The following FNIP2 variants were observed in gnomAD, a reference collection of about 807,000 sequenced individuals.
The protein encoded by FNIP2 is folliculin-interacting protein 2.
In FNIP2, 32 loss-of-function variants were observed where a neutral mutation model predicts 108.7. The ratio of observed to expected loss-of-function variants is 0.29; its 90% confidence interval spans 0.22 to 0.40. The LOEUF (loss-of-function observed/expected upper bound fraction) is 0.40, where lower values mean the gene tolerates loss of function less well. Ranked by LOEUF, FNIP2 falls within the 10% of genes least tolerant of loss-of-function variation. FNIP2 has a pLI of 1.00. For synonymous variants in FNIP2, 480 were observed against 496.7 expected, an observed-to-expected ratio of 0.97 and a Z score of 0.45; for missense variants, 1,202 against 1,381.6, an observed-to-expected ratio of 0.87 and a Z score of 2.06.
chr4:158,850,262 G>A (rs543194730), intron 7 of FNIP2, among the ~76,000 whole-genome samples: 1 of 152,172 alleles, frequency 6.6e-6, no homozygotes, highest in Admixed American at 6.5e-5. Context: ...ATGTTGACTG[G>A]CCATCTGTAG....
chr4:158,834,337 TAAGTAGTGTAAATA>T (rs1778674226), intron 6 of FNIP2: 1 of 150,278 alleles, frequency 6.7e-6, no homozygotes. Context: ...TCTCCCTCTC[TAAGTAGTGTAAATA>T]CAATTTCTAG....
chr4:158,839,661 C>T, intron 7 of FNIP2, among the ~76,000 whole-genome samples: 1 of 152,220 alleles, frequency 6.6e-6, no homozygotes, highest in Non-Finnish European at 1.5e-5. Flanking sequence ...AGCCACAGCA[C>T]CCCACAACTT....
At chr4:158,852,094 C>T (rs1454001594) in intron 8 of FNIP2, among the ~76,000 whole-genome samples, 9 of 152,158 alleles carry the variant, frequency 5.9e-5, no homozygotes, top group Non-Finnish European at 1.0e-4. Flanking sequence ...TTGACTAGTA[C>T]TCAACATACG....
At chr4:158,864,322 C>T (rs574208811) in intron 12 of FNIP2, among the ~76,000 whole-genome samples, 1 of 152,142 alleles carries the variant, frequency 6.6e-6, no homozygotes, top group Non-Finnish European at 1.5e-5. Context: ...AGCCACCATA[C>T]CCAGCTGACA....
chr4:158,817,417 C>T lies in FNIP2; in HGVS notation c.108-8499C>T, dbSNP rs542933950. On this transcript the variant is annotated intron_variant, in intron 1 of 16. Transcript: ENST00000264433. ...AATTCATTAAGATTGCTTTCCTTTTCGTACCTGGCTGAGATCATCTATTCT... is the reference window on the plus strand; with the variant it reads ...AATTCATTAAGATTGCTTTCCTTTTTGTACCTGGCTGAGATCATCTATTCT... Among the ~76,000 whole-genome samples the T allele has an allele frequency of 3.9e-5, 6 of 152,214 alleles. No homozygotes were observed. In the South Asian group the frequency reaches 8.3e-4, roughly 21 times the overall value.
chr4:158,792,410 T>G lies in FNIP2; in HGVS notation c.107+23091T>G, dbSNP rs180743641. ...TTTTGCTGCTTCTTGGTAATGTCAC[T>G]CTTTAGCCCCCACGTATAGTGCTGG... On this transcript the variant is annotated intron_variant, in intron 1 of 16. Coordinates refer to ENST00000264433, the MANE Select transcript of FNIP2 (RefSeq NM_020840.3). 8.0e-5 allele frequency among the ~76,000 whole-genome samples: 12 copies of G among 150,922 alleles called. No homozygotes were observed. The East Asian group carries it at 2.0e-3, about 25-fold the overall frequency.
Position 158,869,402 on chromosome 4 carries a change from C to T in FNIP2, c.2766C>T (p.Ser922=). Residue 922 remains serine, a synonymous_variant, in exon 13 of 17, where the codon TCC becomes TCT. Coordinates refer to ENST00000264433, the MANE Select transcript of FNIP2 (RefSeq NM_020840.3). ...ACGGTGGTGACAGGACTGGAGGGTC[C>T]TTGGAAGTGGAGCTGCCTCTGCCAA... ...LGHGGDRTGG[S]LEVELPLPRS... The T allele has an allele frequency of 6.2e-7, 1 of 1,605,712 alleles. No homozygotes were observed. The highest frequency in any genetic ancestry group is 8.5e-7 in the Non-Finnish European group (1 of 1,176,858).
intron 7 of FNIP2, among the ~76,000 whole-genome samples, chr4:158,847,239 G>A (rs150100763): frequency 2.6e-5 from 4 of 152,134 alleles, no homozygotes; most frequent in Non-Finnish European, 4.4e-5. Flanking sequence ...GTGGACTTGG[G>A]GTGCACACAG....
At chr4:158,791,898 A>C (rs1776431773) in intron 1 of FNIP2, among the ~76,000 whole-genome samples, 5 of 152,168 alleles carry the variant, frequency 3.3e-5, no homozygotes, top group Admixed American at 3.3e-4. Flanking sequence ...GATAGCAGGA[A>C]AACTGTCCTT....
intron 1 of FNIP2, among the ~76,000 whole-genome samples, chr4:158,813,225 T>C (rs1219504646): frequency 6.6e-6 from 1 of 152,132 alleles, no homozygotes; most frequent in African/African-American, 2.4e-5. Flanking sequence ...ACAAGTCCCT[T>C]TGCTGGATTG....
At chr4:158,825,788 A>C in intron 1 of FNIP2, 128 bp from the exon 2 acceptor site, 3 of 1,131,322 alleles carry the variant, frequency 2.7e-6, no homozygotes, top group Non-Finnish European at 3.8e-6. Context: ...TTCTGAGGGG[A>C]TCACTAGCCC....
In FNIP2 at chr4:158,889,854, A is replaced by G. The variant is rs531560275; in HGVS notation, c.2950-1592A>G. On this transcript the variant is annotated intron_variant, in intron 14 of 16. Transcript: ENST00000264433. ...CCAGACTCATTGATGGCAAGTCGTC[A>G]TCATCTTGATATAAATTTATAACAC... 68 of 984,350 alleles carry G rather than the reference A, an allele frequency of 6.9e-5. No individual in the cohort carries two copies. The East Asian group carries it at 1.7e-3, about 25-fold the overall frequency. 61.0% of individuals were successfully genotyped at this position (984,350 alleles called of 1,614,324 possible).
chr4:158,853,535 C>T (rs1053709133), intron 8 of FNIP2, among the ~76,000 whole-genome samples: 2 of 152,182 alleles, frequency 1.3e-5, no homozygotes, highest in Admixed American at 6.6e-5. Context: ...CATCCCCCTA[C>T]CCCACGACAG....
chr4:158,880,681 A>C (rs1316228242), intron 14 of FNIP2, among the ~76,000 whole-genome samples: 1 of 152,174 alleles, frequency 6.6e-6, no homozygotes, highest in African/African-American at 2.4e-5. Flanking sequence ...CTCTGGATGG[A>C]TTTGAGACTG....
intron 8 of FNIP2, among the ~76,000 whole-genome samples, chr4:158,857,904 C>T (rs1193665068): frequency 6.6e-6 from 1 of 152,086 alleles, no homozygotes; most frequent in African/African-American, 2.4e-5. Context: ...GCCATGATCA[C>T]ACCACTGCAC....
At chr4:158,770,611 C>G (rs1775665262) in intron 1 of FNIP2, among the ~76,000 whole-genome samples, 1 of 152,046 alleles carries the variant, frequency 6.6e-6, no homozygotes, top group African/African-American at 2.4e-5. Context: ...CTTAAACTCC[C>G]CAAGTTAAAT....
chr4:158,809,488 A>G (rs1777154048), intron 1 of FNIP2, among the ~76,000 whole-genome samples: 1 of 152,238 alleles, frequency 6.6e-6, no homozygotes, highest in East Asian at 1.9e-4. Context: ...ACTCTTAAAT[A>G]TGATGCCAGG....
intron 12 of FNIP2, among the ~76,000 whole-genome samples, chr4:158,863,823 C>T (rs1391379156): frequency 7.9e-5 from 12 of 152,108 alleles, no homozygotes. Context: ...ATATAGGTCT[C>T]TTTTTGACCT....
In FNIP2 at chr4:158,825,957, T is replaced by C; in HGVS notation, c.149T>C (p.Ile50Thr). Residue 50 changes from isoleucine to threonine, a missense_variant, in exon 2 of 17, where the codon ATA becomes ACA. Physicochemically the swap from Ile to Thr is moderately conservative, Grantham distance 89. Coordinates refer to ENST00000264433, the MANE Select transcript of FNIP2 (RefSeq NM_020840.3). ...TTTGACCTGAATGAGATTCGCCTGA[T>C]AGTTTACCAGGACTGTGACAGGAGA... Reference protein sequence around the residue: ...SEFDLNEIRLIVYQDCDRRGR... With the variant: ...SEFDLNEIRLTVYQDCDRRGR... 2 of 1,608,976 alleles carry C rather than the reference T, an allele frequency of 1.2e-6. No homozygotes were observed. The highest frequency in any genetic ancestry group is 1.7e-6 in the Non-Finnish European group (2 of 1,175,738).
Sources: allele counts gnomAD v4.1 joint callset (sites outside exome capture counted in the v4.1 genomes callset), GRCh38; gene constraint gnomAD v4.1.1; transcripts MANE v1.5; gene names NCBI Gene and HGNC (gene_info 2026-07-23, HGNC 2026-07-21).